The following PDE4D variants were observed in gnomAD, a reference collection of about 807,000 sequenced individuals.
The protein encoded by PDE4D is phosphodiesterase 4D.
A neutral mutation model predicts 87.4 loss-of-function variants in PDE4D; 24 were observed. The observed-to-expected ratio is 0.27, with a 90% CI of 0.20 to 0.39. The LOEUF is 0.39. Among genes scored for constraint, PDE4D ranks in the 10% least tolerant of loss-of-function variants. The pLI, the probability that PDE4D is intolerant of heterozygous loss-of-function variation, is 1.00. For missense variants in PDE4D, 714 were observed against 1,041.0 expected (o/e 0.69, Z 4.32); for synonymous variants, 384 against 383.2 (o/e 1.00, Z -0.02).
chr5:59,386,691 A>AAGGGAGGAAGGGAGGAAGAGAGGG (rs377277408), intron 1 of PDE4D, among the ~76,000 whole-genome samples: 32,234 of 135,914 alleles, frequency 0.24, 4,225 homozygotes, highest in East Asian at 0.41. Flanking sequence ...GCGCAGGAGG[A>AAGGGAGGAAGGGAGGAAGAGAGGG]AGGGAGGGAG....
intron 5 of PDE4D, among the ~76,000 whole-genome samples, chr5:59,121,514 T>C (rs954034202): frequency 2.0e-5 from 3 of 151,810 alleles, no homozygotes; most frequent in African/African-American, 7.3e-5. Context: ...TTACCCCAGT[T>C]AGAGGGCTAT....
chr5:60,292,878 A>G (rs1021482551), intron 1 of PDE4D, among the ~76,000 whole-genome samples: 2 of 152,182 alleles, frequency 1.3e-5, no homozygotes, highest in African/African-American at 2.4e-5. Context: ...TTGTTGGAAC[A>G]TATGACTAAT....
intron 1 of PDE4D, among the ~76,000 whole-genome samples, chr5:59,754,996 C>G (rs991851056): frequency 2.0e-5 from 3 of 151,944 alleles, no homozygotes; most frequent in African/African-American, 7.3e-5. Context: ...GTCCCTCTTC[C>G]TATGGTGGAA....
intron 1 of PDE4D, among the ~76,000 whole-genome samples, chr5:59,639,150 T>C (rs149913622): frequency 1.6e-3 from 241 of 152,302 alleles, no homozygotes; most frequent in African/African-American, 5.6e-3. Flanking sequence ...TTATTATACA[T>C]CTATAATACC....
intron 1 of PDE4D, among the ~76,000 whole-genome samples, chr5:59,762,116 G>A (rs1013404950): frequency 2.6e-5 from 4 of 151,774 alleles, no homozygotes; most frequent in Non-Finnish European, 5.9e-5. Context: ...ATATATGTGT[G>A]TATATATATG....
chr5:59,345,150 C>T (rs905687568), intron 1 of PDE4D, among the ~76,000 whole-genome samples: 3 of 152,038 alleles, frequency 2.0e-5, no homozygotes, highest in Non-Finnish European at 4.4e-5. Context: ...CATGGGTAAA[C>T]AAAATCTTGA....
chr5:59,277,177 G>T (rs112950215), intron 1 of PDE4D, among the ~76,000 whole-genome samples: 2 of 152,140 alleles, frequency 1.3e-5, no homozygotes, highest in South Asian at 2.1e-4. Context: ...TACGGCATCC[G>T]CCAGAGGCTC....
intron 1 of PDE4D, among the ~76,000 whole-genome samples, chr5:60,339,401 T>C (rs1758112801): frequency 6.6e-6 from 1 of 152,114 alleles, no homozygotes; most frequent in African/African-American, 2.4e-5. Context: ...AGCATGGACA[T>C]GCTGGACAAA....
chr5:60,313,126 C>T (rs1755199765), intron 1 of PDE4D, among the ~76,000 whole-genome samples: 1 of 151,372 alleles, frequency 6.6e-6, no homozygotes, highest in African/African-American at 2.4e-5. Flanking sequence ...ATTGAAAGAT[C>T]AATGAATCCA....
chr5:60,225,983 A>T (rs1472818986), intron 1 of PDE4D, among the ~76,000 whole-genome samples: 1 of 152,144 alleles, frequency 6.6e-6, no homozygotes. Flanking sequence ...AACTGTAACA[A>T]AATATTAAAT....
At chr5:60,388,026 C>A (rs1762312635) in intron 1 of PDE4D, among the ~76,000 whole-genome samples, 1 of 152,158 alleles carries the variant, frequency 6.6e-6, no homozygotes, top group African/African-American at 2.4e-5. Flanking sequence ...CACTTTTACC[C>A]TTACCAGTTT....
intron 1 of PDE4D, among the ~76,000 whole-genome samples, chr5:60,371,859 C>T (rs534136866): frequency 2.0e-5 from 3 of 152,110 alleles, no homozygotes; most frequent in African/African-American, 7.2e-5. Flanking sequence ...ATTGCTACTG[C>T]GTGTTTCATT....
At chr5:59,366,629 T>A (rs1783106348) in intron 1 of PDE4D, among the ~76,000 whole-genome samples, 1 of 152,224 alleles carries the variant, frequency 6.6e-6, no homozygotes, top group Non-Finnish European at 1.5e-5. Context: ...TATTTATAAA[T>A]CAAGAGATGT....
intron 3 of PDE4D, among the ~76,000 whole-genome samples, chr5:59,906,745 T>C (rs970791624): frequency 6.6e-6 from 1 of 152,048 alleles, no homozygotes. Flanking sequence ...CCAGTCAGAA[T>C]GGAGGAGAAA....
chr5:60,400,537 A>T (rs934233083), intron 1 of PDE4D, among the ~76,000 whole-genome samples: 1 of 151,422 alleles, frequency 6.6e-6, no homozygotes, highest in Admixed American at 6.6e-5. Context: ...AAAAAAAAAA[A>T]AAAAAAAGAA....
intron 2 of PDE4D, among the ~76,000 whole-genome samples, chr5:60,113,211 G>A (rs1232649880): frequency 5.3e-5 from 8 of 152,118 alleles, no homozygotes; most frequent in Admixed American, 5.2e-4. Flanking sequence ...GGAGAGTCAA[G>A]TTGGCATCAT....
At position 59,180,637 on chromosome 5, in the gene PDE4D, G is replaced by A. The variant is rs773983117; in HGVS notation, c.766C>T (p.Pro256Ser). ...TTGATGGATGGTTGGTTGCACATGG[G>A]TGATCTTCTGACAAAGACAGAAAAA... Reference protein sequence around the residue: ...LQDRAPSKRSPMCNQPSINKA... With the variant: ...LQDRAPSKRSSMCNQPSINKA... Residue 256 changes from proline (P) to serine (S), a missense_variant, in exon 5 of 15, where the codon CCC becomes TCC. Transcript: ENST00000340635. 1 of 1,613,012 alleles carries A rather than the reference G, an allele frequency of 6.2e-7. No individual in the cohort carries two copies. The highest frequency in any genetic ancestry group is 8.5e-7 in the Non-Finnish European group (1 of 1,179,458).
At chr5:59,925,528 A>G (rs1013832910) in intron 3 of PDE4D, among the ~76,000 whole-genome samples, 5 of 152,208 alleles carry the variant, frequency 3.3e-5, no homozygotes, top group African/African-American at 9.6e-5. Flanking sequence ...CAATGCTAAT[A>G]TTGAATATCA....
At chr5:59,882,090 G>A (rs886268710) in intron 1 of PDE4D, among the ~76,000 whole-genome samples, 10 of 152,150 alleles carry the variant, frequency 6.6e-5, no homozygotes, top group African/African-American at 2.4e-4. Context: ...AGCTATTTAT[G>A]GCAGTTTCTG....
Sources: allele counts gnomAD v4.1 joint callset (sites outside exome capture counted in the v4.1 genomes callset), GRCh38; gene constraint gnomAD v4.1.1; transcripts MANE v1.5; gene names NCBI Gene and HGNC (gene_info 2026-07-23, HGNC 2026-07-21).